ITK: variants seen among roughly 807,000 people sequenced by gnomAD.
The protein encoded by ITK is tyrosine-protein kinase ITK/TSK.
A neutral mutation model predicts 87.6 loss-of-function variants in ITK; 45 were observed. The observed-to-expected ratio is 0.51, with a 90% CI of 0.40 to 0.66. The LOEUF (loss-of-function observed/expected upper bound fraction) is 0.66, where lower values mean the gene tolerates loss of function less well. Ranked by LOEUF, ITK falls within the 30% of genes least tolerant of loss-of-function variation. ITK has a pLI of 0.00. For missense variants in ITK, 605 were observed against 766.3 expected (o/e 0.79, Z 2.48); for synonymous variants, 303 against 273.6 (o/e 1.11, Z -1.06).
intron 12 of ITK, 64 bp from the exon 13 acceptor site, chr5:157,244,198 A>T: frequency 7.9e-7 from 1 of 1,273,294 alleles, no homozygotes; most frequent in Non-Finnish European, 1.1e-6. Context: ...TTGGTACCAT[A>T]ATATTTTCGG....
At chr5:157,250,621 A>T (rs1219865977) in intron 16 of ITK, among the ~76,000 whole-genome samples, 1 of 151,522 alleles carries the variant, frequency 6.6e-6, no homozygotes, top group Non-Finnish European at 1.5e-5. Flanking sequence ...GTCTCAAGCG[A>T]TCCTCCTACC....
intron 5 of ITK, among the ~76,000 whole-genome samples, chr5:157,218,783 G>A (rs1401062364): frequency 2.0e-5 from 3 of 152,206 alleles, no homozygotes; most frequent in South Asian, 2.1e-4. Flanking sequence ...TCTTTAACTC[G>A]AGTGGTGGTT....
At chr5:157,207,443 C>T (rs1178974886) in intron 1 of ITK, among the ~76,000 whole-genome samples, 4 of 118,988 alleles carry the variant, frequency 3.4e-5, no homozygotes, top group Admixed American at 1.2e-4. Flanking sequence ...TGCAATGGTG[C>T]GGTCTCCACT....
chr5:157,215,887 G>C (rs1012706139), intron 4 of ITK, among the ~76,000 whole-genome samples: 1 of 152,212 alleles, frequency 6.6e-6, no homozygotes, highest in African/African-American at 2.4e-5. Flanking sequence ...CGGGGCGCAA[G>C]TATTTCCCTC....
chr5:157,184,350 C>T (rs1369287202), intron 1 of ITK, among the ~76,000 whole-genome samples: 3 of 152,144 alleles, frequency 2.0e-5, no homozygotes, highest in Non-Finnish European at 4.4e-5. Context: ...TCTGCTGGCT[C>T]ACAGATTCCT....
At chr5:157,242,837 C>T (rs1005579242) in intron 11 of ITK, among the ~76,000 whole-genome samples, 9 of 152,174 alleles carry the variant, frequency 5.9e-5, no homozygotes, top group South Asian at 2.1e-4. Flanking sequence ...ACCACTGCCA[C>T]GCATGGGCTT....
At chr5:157,229,993 C>CA (rs535952916) in intron 7 of ITK, among the ~76,000 whole-genome samples, 341 of 152,190 alleles carry the variant, frequency 2.2e-3, no homozygotes, top group African/African-American at 7.8e-3. Context: ...TTGACCCATA[C>CA]AAAAAAATAT....
chr5:157,223,337 G>C lies in ITK; in HGVS notation c.647+323G>C, dbSNP rs376199500. ...GGAGCTTGGCAATTTGTTCTGCAAA[G>C]TGCTATTGTTCCTGAGTGTTAAGTG... On this transcript the variant is annotated intron_variant, in intron 6 of 16. Coordinates refer to ENST00000422843, the MANE Select transcript of ITK (RefSeq NM_005546.4). Among the ~76,000 whole-genome samples, 7 of 152,300 alleles carry C rather than the reference G, an allele frequency of 4.6e-5. No individual in the cohort carries two copies. In the South Asian group the frequency reaches 1.4e-3, roughly 32 times the overall value.
chr5:157,213,997 T>C (rs954099503), intron 3 of ITK, among the ~76,000 whole-genome samples, 194 bp from the exon 4 acceptor site: 2 of 152,206 alleles, frequency 1.3e-5, no homozygotes, highest in African/African-American at 4.8e-5. Context: ...TGCTGATGCC[T>C]AAATGTAACA....
rs144735141 is a variant in ITK at position 157,244,372 on chromosome 5, G to A, written c.1343G>A (p.Arg448His). The change falls in exon 13 of 17, where the codon CGC (arginine) becomes CAC (histidine). Residue 448 changes from arginine to histidine, a missense_variant. Coordinates refer to ENST00000422843, the MANE Select transcript of ITK (RefSeq NM_005546.4). ...MEHGCLSDYL[R>H]TQRGLFAAET... ...CACGGCTGCCTGTCAGATTATCTAC[G>A]CACCCAGCGGGGACTTTTTGCTGCA... The A allele has an allele frequency of 2.0e-4, 323 of 1,613,778 alleles. 5 individuals carry two copies. Among genetic ancestry groups the A allele is most frequent in the South Asian group, 3.7e-4 (34 of 91,068 alleles).
Position 157,208,800 on chromosome 5 carries a change from A to G in ITK, c.139-89A>G, listed in dbSNP as rs1445647194. ...TGGAATAGGTTTAAAAAGCCAATGG[A>G]TCTTATCTAGCAGTAGATTTCTGGA... On this transcript the variant is annotated intron_variant, in intron 1 of 16. Coordinates refer to ENST00000422843, the MANE Select transcript of ITK (RefSeq NM_005546.4). The G allele has an allele frequency of 6.6e-6, 6 of 910,580 alleles. No homozygotes were observed. In the East Asian group the frequency reaches 1.3e-4, roughly 20 times the overall value. 56.4% of individuals were successfully genotyped at this position (910,580 alleles called of 1,614,324 possible).
intron 3 of ITK, among the ~76,000 whole-genome samples, chr5:157,213,251 A>G (rs961770810): frequency 2.6e-5 from 4 of 152,180 alleles, no homozygotes; most frequent in African/African-American, 9.7e-5. Flanking sequence ...TCTCATGAGA[A>G]CTCACGTATT....
At chr5:157,197,547 G>A (rs1294010558) in intron 1 of ITK, among the ~76,000 whole-genome samples, 1 of 152,186 alleles carries the variant, frequency 6.6e-6, no homozygotes, top group Non-Finnish European at 1.5e-5. Context: ...ACCAGTGTTA[G>A]CAGCTTGGAA....
At chr5:157,241,548 G>A in intron 10 of ITK, 98 bp from the exon 11 acceptor site, 1 of 837,572 alleles carries the variant, frequency 1.2e-6, no homozygotes, top group South Asian at 1.4e-5. Context: ...ATTAGCTTTT[G>A]CGTCTGATGA....
Position 157,206,496 on chromosome 5 carries a change from G to C in ITK, c.139-2393G>C, listed in dbSNP as rs180990966. 5.1e-4 allele frequency among the ~76,000 whole-genome samples: 78 copies of C among 152,228 alleles called. 1 individual carries two copies. Among genetic ancestry groups the C allele is most frequent in the African/African-American group, 1.8e-3 (75 of 41,528 alleles). ...TTCTTTGTACATCTGGTAGAATTCG[G>C]CTGTGAATCCATCTGGTCCCAGGCT... is the stretch of plus-strand genomic sequence containing the variant. On this transcript the variant is annotated intron_variant, in intron 1 of 16. Transcript: ENST00000422843.
chr5:157,219,361 C>T (rs1268686610), intron 5 of ITK, among the ~76,000 whole-genome samples: 1 of 152,174 alleles, frequency 6.6e-6, no homozygotes, highest in Non-Finnish European at 1.5e-5. Flanking sequence ...GATCAACCCA[C>T]TTCAACCTCC....
At chr5:157,219,480 A>C (rs1378479138) in intron 5 of ITK, among the ~76,000 whole-genome samples, 1 of 151,986 alleles carries the variant, frequency 6.6e-6, no homozygotes, top group African/African-American at 2.4e-5. Context: ...TTCAGATTCC[A>C]TTTCCTCATG....
intron 1 of ITK, among the ~76,000 whole-genome samples, chr5:157,201,363 T>A (rs1449252197): frequency 1.3e-5 from 2 of 150,136 alleles, no homozygotes; most frequent in Non-Finnish European, 2.9e-5. Context: ...AGTGGCATGA[T>A]CTTGGCTCAC....
At chr5:157,242,234 C>T (rs928271719) in intron 11 of ITK, among the ~76,000 whole-genome samples, 2 of 152,162 alleles carry the variant, frequency 1.3e-5, no homozygotes, top group African/African-American at 2.4e-5. Context: ...TCTTGCCCTA[C>T]GGAATTGCTT....
Sources: gnomAD v4.1 joint callset for allele counts (sites outside exome capture counted in the v4.1 genomes callset) on GRCh38, gnomAD v4.1.1 for gene constraint, MANE v1.5 for transcripts, NCBI Gene and HGNC (gene_info 2026-07-23, HGNC 2026-07-21) for gene names.